Variants in TMEM232 observed in about 807,000 individuals in gnomAD.
The protein encoded by TMEM232 is transmembrane protein 232.
In TMEM232, 80 loss-of-function variants were observed where a neutral mutation model predicts 78.8. That is an observed-to-expected ratio of 1.01 (90% CI 0.85 to 1.22). The LOEUF (loss-of-function observed/expected upper bound fraction) is 1.22. TMEM232 is among the 50% of genes most tolerant of loss of function. TMEM232 has a pLI of 0.00. For synonymous variants in TMEM232, 297 were observed against 254.3 expected (o/e 1.17, Z -1.60); for missense variants, 881 against 742.2 (o/e 1.19, Z -2.17).
At chr5:110,656,989 T>C (rs1378664114) in intron 2 of TMEM232, among the ~76,000 whole-genome samples, 2 of 152,234 alleles carry the variant, frequency 1.3e-5, no homozygotes, top group Non-Finnish European at 2.9e-5. Context: ...AATGCATGTG[T>C]TCATAACTTA....
rs77922360 is a variant in TMEM232 at position 110,617,971 on chromosome 5, A to G, written c.902+458T>C. On this transcript the variant is annotated intron_variant, in intron 8 of 13. Coordinates refer to ENST00000455884, the MANE Select transcript of TMEM232 (RefSeq NM_001039763.4). ...TAAGCGGAGATCACGGCACTGCAAC[A>G]CTGCATTCCAGCCTGGGTGACAGAG... 8 of 169,430 alleles carry G rather than the reference A, an allele frequency of 4.7e-5. No homozygotes were observed. The East Asian group carries it at 1.5e-3, about 31-fold the overall frequency. 10.5% of individuals were successfully genotyped at this position (169,430 alleles called of 1,614,324 possible). A position where few individuals can be genotyped will look rare whatever the true frequency, so the allele number is the denominator to read the frequency against.
At chr5:110,663,396 A>G (rs1053350568) in intron 2 of TMEM232, among the ~76,000 whole-genome samples, 1 of 152,024 alleles carries the variant, frequency 6.6e-6, no homozygotes. Flanking sequence ...AAACACATGG[A>G]AGTAATTCTA....
At chr5:110,672,778 A>G (rs931643747) in intron 1 of TMEM232, among the ~76,000 whole-genome samples, 1 of 152,064 alleles carries the variant, frequency 6.6e-6, no homozygotes, top group Non-Finnish European at 1.5e-5. Flanking sequence ...TTCCCAGTAG[A>G]TCCCAAAGCT....
chr5:110,396,332 G>A (rs533774131), intron 3 of TMEM232, among the ~76,000 whole-genome samples: 1 of 152,074 alleles, frequency 6.6e-6, no homozygotes, highest in South Asian at 2.1e-4. Context: ...ATTTGGGTGG[G>A]GACACAAAAC....
chr5:110,602,485 T>C (rs2149815425), intron 10 of TMEM232, among the ~76,000 whole-genome samples: 1 of 151,816 alleles, frequency 6.6e-6, no homozygotes, highest in South Asian at 2.1e-4. Context: ...GCAAAGGATA[T>C]GAACAGACAC....
intron 12 of TMEM232, among the ~76,000 whole-genome samples, chr5:110,483,608 G>T (rs1026654689): frequency 3.3e-5 from 5 of 152,172 alleles, no homozygotes; most frequent in Admixed American, 3.3e-4. Context: ...GTGGGGTGGG[G>T]GAAGGGGGGA....
At chr5:110,398,685 C>T (rs1755482522) in intron 2 of TMEM232, among the ~76,000 whole-genome samples, 1 of 152,146 alleles carries the variant, frequency 6.6e-6, no homozygotes, top group African/African-American at 2.4e-5. Context: ...ATCTCTCTAG[C>T]CACATGGCTG....
chr5:110,522,253 T>C (rs1230891485), intron 12 of TMEM232, among the ~76,000 whole-genome samples: 2 of 152,264 alleles, frequency 1.3e-5, no homozygotes, highest in African/African-American at 4.8e-5. Flanking sequence ...ATGTAACAGA[T>C]TTTATTTGTT....
upstream of TMEM232, chr5:110,726,697 C>G (rs1455081016): frequency 6.6e-6 from 1 of 152,328 alleles, no homozygotes; most frequent in East Asian, 1.9e-4. Flanking sequence ...CTGAGACAGA[C>G]GTTGCTCTTT....
chr5:110,599,497 C>G (rs183160350), intron 10 of TMEM232, among the ~76,000 whole-genome samples: 69 of 151,808 alleles, frequency 4.5e-4, no homozygotes, highest in Admixed American at 1.6e-3. Flanking sequence ...AAATGGAAAG[C>G]AAAAATGCAG....
At chr5:110,490,491 T>C (rs941466762) in intron 12 of TMEM232, among the ~76,000 whole-genome samples, 7 of 152,152 alleles carry the variant, frequency 4.6e-5, no homozygotes, top group Admixed American at 1.3e-4. Context: ...GCCTTCCATT[T>C]TGGAGAAACT....
chr5:110,493,775 G>A (rs1319204199), intron 12 of TMEM232, among the ~76,000 whole-genome samples: 1 of 150,802 alleles, frequency 6.6e-6, no homozygotes, highest in Non-Finnish European at 1.5e-5. Flanking sequence ...GCTTAATTGT[G>A]CCAAATATCT....
chr5:110,576,869 T>C (rs1490896223), intron 10 of TMEM232, among the ~76,000 whole-genome samples: 1 of 152,042 alleles, frequency 6.6e-6, no homozygotes, highest in Non-Finnish European at 1.5e-5. Context: ...CCTAACACTA[T>C]GTACAAAAAT....
intron 2 of TMEM232, among the ~76,000 whole-genome samples, chr5:110,664,508 C>G (rs1293773466): frequency 6.6e-6 from 1 of 152,180 alleles, no homozygotes; most frequent in Non-Finnish European, 1.5e-5. Context: ...ACAGCTGAAA[C>G]TGTATCTCTT....
intron 12 of TMEM232, among the ~76,000 whole-genome samples, chr5:110,524,411 G>GAAAAGAAAAGAAAAGAAAAGAAAAGA (rs372701386): frequency 1.6e-4 from 10 of 61,450 alleles, no homozygotes; most frequent in African/African-American, 4.7e-4. Flanking sequence ...AAGAAAGAAA[G>GAAAAGAAAAGAAAAGAAAAGAAAAGA]AAAGAAAAGA....
chr5:110,682,591 CA>C (rs1168978053), intron 1 of TMEM232, among the ~76,000 whole-genome samples: 2 of 151,534 alleles, frequency 1.3e-5, no homozygotes, highest in Non-Finnish European at 2.9e-5. Context: ...CTGAAATGGC[CA>C]AAAAAATGGC....
At chr5:110,500,365 C>T (rs1241632963) in intron 12 of TMEM232, among the ~76,000 whole-genome samples, 2 of 151,018 alleles carry the variant, frequency 1.3e-5, no homozygotes, top group African/African-American at 2.4e-5. Flanking sequence ...AAAGTATAAC[C>T]TCTAATAAGA....
intron 12 of TMEM232, 60 bp downstream of exon 12, chr5:110,528,528 T>A: frequency 7.2e-7 from 1 of 1,395,124 alleles, no homozygotes; most frequent in South Asian, 1.7e-5. Context: ...TTATCTATAA[T>A]TTCTGTGATT....
chr5:110,526,908 G>T (rs774456651), intron 12 of TMEM232, among the ~76,000 whole-genome samples: 2 of 151,780 alleles, frequency 1.3e-5, no homozygotes, highest in Admixed American at 6.6e-5. Context: ...GTACTGGAAT[G>T]GAAAAATTTA....
Sources: allele counts gnomAD v4.1 joint callset (sites outside exome capture counted in the v4.1 genomes callset), GRCh38; gene constraint gnomAD v4.1.1; transcripts MANE v1.5; gene names NCBI Gene and HGNC (gene_info 2026-07-23, HGNC 2026-07-21).